The following FNDC3B variants were observed in gnomAD, a reference collection of about 807,000 sequenced individuals.
The protein encoded by FNDC3B is fibronectin type III domain-containing protein 3B.
In FNDC3B, 12 loss-of-function variants were observed where a neutral mutation model predicts 151.5. The observed-to-expected ratio is 0.08, with a 90% confidence interval of 0.05 to 0.13. The LOEUF (loss-of-function observed/expected upper bound fraction) is 0.13. Among genes scored for constraint, FNDC3B ranks in the 10% least tolerant of loss-of-function variants. The probability of loss-of-function intolerance (pLI) is 1.00; values close to 1 mark genes in which losing one functional copy is unlikely to be tolerated. For missense variants in FNDC3B, 1,214 were observed against 1,505.3 expected, an observed-to-expected ratio of 0.81 and a Z score of 3.20; for synonymous variants, 528 against 549.0, an observed-to-expected ratio of 0.96 and a Z score of 0.54.
chr3:172,332,399 T>C (rs560227139), intron 13 of FNDC3B, among the ~76,000 whole-genome samples: 13 of 152,370 alleles, frequency 8.5e-5, no homozygotes, highest in African/African-American at 3.1e-4. Context: ...CTTTAGTTTT[T>C]GTCATAGCAC....
At chr3:172,064,903 G>A (rs1329154726) in intron 1 of FNDC3B, among the ~76,000 whole-genome samples, 11 of 152,182 alleles carry the variant, frequency 7.2e-5, no homozygotes, top group Admixed American at 7.2e-4. Context: ...AGTCAGTGGG[G>A]TTTAAAAACA....
At chr3:172,098,365 A>T (rs1719193587) in intron 1 of FNDC3B, among the ~76,000 whole-genome samples, 1 of 152,208 alleles carries the variant, frequency 6.6e-6, no homozygotes, top group East Asian at 1.9e-4. Context: ...ATGTACCTGT[A>T]CAGAAGTCAT....
intron 9 of FNDC3B, among the ~76,000 whole-genome samples, chr3:172,305,391 C>T (rs867689929): frequency 1.3e-5 from 2 of 152,080 alleles, no homozygotes; most frequent in Admixed American, 1.3e-4. Flanking sequence ...TTTCTTGCAA[C>T]TTGTTTGTTA....
At chr3:172,320,408 G>A (rs891634675) in intron 11 of FNDC3B, among the ~76,000 whole-genome samples, 1 of 151,978 alleles carries the variant, frequency 6.6e-6, no homozygotes, top group Non-Finnish European at 1.5e-5. Context: ...TGAAAGAGAA[G>A]GAGGACAGTG....
intron 1 of FNDC3B, among the ~76,000 whole-genome samples, chr3:172,088,138 A>G (rs1174568601): frequency 2.0e-5 from 3 of 151,666 alleles, no homozygotes; most frequent in Non-Finnish European, 4.4e-5. Context: ...AGTGTTGTAC[A>G]GCTATTGTAA....
rs74509897 is a variant in FNDC3B, at chr3:172,216,756, G to A, written c.188-10115G>A. 1.7e-4 allele frequency among the ~76,000 whole-genome samples: 26 copies of A among 152,314 alleles called. No homozygotes were observed. In the East Asian group the frequency reaches 4.8e-3, roughly 28 times the overall value. ...TAAGTAAATTATGTTTCAAACTGGG[G>A]CAAGGTGATAAAGTTTAACTTGAAG... On this transcript the variant is annotated intron_variant, in intron 3 of 25. Transcript: ENST00000415807.
chr3:172,145,921 C>A (rs1318331879), intron 3 of FNDC3B, among the ~76,000 whole-genome samples: 3 of 147,968 alleles, frequency 2.0e-5, no homozygotes, highest in Non-Finnish European at 4.4e-5. Context: ...TTAAGCGATT[C>A]TCCTGCCTCA....
Position 172,337,416 on chromosome 3 carries a change from A to G in FNDC3B, c.1852+15A>G. 1 of 1,579,296 alleles carries G rather than the reference A, an allele frequency of 6.3e-7. No individual in the cohort carries two copies. Among genetic ancestry groups the G allele is most frequent in the Non-Finnish European group, 8.7e-7 (1 of 1,148,452 alleles). ...AAATTCTGAAGGTGAAGTTTTTGGC[A>G]ATTGTTTTATTCAAATCCAATAGCA... On this transcript the variant is annotated intron_variant, in intron 16 of 25. Transcript: ENST00000415807.
intron 3 of FNDC3B, among the ~76,000 whole-genome samples, chr3:172,158,001 C>A (rs1356523763): frequency 2.0e-5 from 3 of 152,122 alleles, no homozygotes; most frequent in African/African-American, 4.8e-5. Context: ...ACCAGAGGGA[C>A]CTTTTTCACT....
At chr3:172,051,328 C>T (rs1357776701) in intron 1 of FNDC3B, among the ~76,000 whole-genome samples, 2 of 151,810 alleles carry the variant, frequency 1.3e-5, no homozygotes, top group African/African-American at 4.8e-5. Context: ...AGCACTTTAT[C>T]TGTACTTTTC....
At position 172,164,812 on chromosome 3, in the gene FNDC3B, C is replaced by T. The variant is rs114083590; in HGVS notation, c.187+31266C>T. On this transcript the variant is annotated intron_variant, in intron 3 of 25. Coordinates refer to ENST00000415807, the MANE Select transcript of FNDC3B (RefSeq NM_022763.4). ...TAATATATCATCCTGTCAGGTGATT[C>T]GTGTACTGTGTTAGAAAGAAAAGGT... is the stretch of plus-strand genomic sequence containing the variant. 5.5e-3 allele frequency among the ~76,000 whole-genome samples: 842 copies of T among 152,184 alleles called. 1 individual carries two copies. The highest frequency in any genetic ancestry group is 0.01 in the Middle Eastern group (3 of 294).
chr3:172,350,180 G>A (rs569126945), intron 21 of FNDC3B, among the ~76,000 whole-genome samples: 38 of 152,298 alleles, frequency 2.5e-4, no homozygotes, highest in Non-Finnish European at 4.1e-4. Context: ...AGCTCCTACT[G>A]TTGGCCTGAT....
intron 25 of FNDC3B, among the ~76,000 whole-genome samples, chr3:172,391,595 A>G (rs1270396370): frequency 1.3e-5 from 2 of 152,238 alleles, no homozygotes; most frequent in Non-Finnish European, 2.9e-5. Context: ...GGGTAAACAA[A>G]TATTTCAATA....
rs114649112 is a variant in FNDC3B, at chr3:172,228,533, C to T, written c.264+1586C>T. On this transcript the variant is annotated intron_variant, in intron 4 of 25. Coordinates refer to ENST00000415807, the MANE Select transcript of FNDC3B (RefSeq NM_022763.4). Reference sequence around the variant, plus strand: ...AATGCAAAAATATTTATTGCATGTACTAGGAAAAGTGGAGAATTTTTGACT... The same window carrying T: ...AATGCAAAAATATTTATTGCATGTATTAGGAAAAGTGGAGAATTTTTGACT... Among the ~76,000 whole-genome samples the T allele has an allele frequency of 1.1e-3, 168 of 151,842 alleles. 1 individual carries two copies. Among genetic ancestry groups the T allele is most frequent in the African/African-American group, 4.0e-3 (163 of 41,174 alleles).
At chr3:172,266,991 A>G (rs765319012) in intron 6 of FNDC3B, among the ~76,000 whole-genome samples, 45 of 152,100 alleles carry the variant, frequency 3.0e-4, no homozygotes, top group Non-Finnish European at 4.3e-4. Context: ...CACAACATCT[A>G]CTACCTACTA....
intron 1 of FNDC3B, among the ~76,000 whole-genome samples, chr3:172,050,507 C>T (rs776040428): frequency 2.4e-4 from 36 of 152,102 alleles, no homozygotes; most frequent in African/African-American, 4.8e-4. Flanking sequence ...CCTCAGCCTC[C>T]GGAGCAGCTG....
chr3:172,397,490 G>T lies in FNDC3B; in HGVS notation c.*15G>T, dbSNP rs764504222. 1 of 1,509,966 alleles carries T rather than the reference G, an allele frequency of 6.6e-7. No homozygotes were observed. Among genetic ancestry groups the T allele is most frequent in the East Asian group, 2.3e-5 (1 of 44,308 alleles). The allele number at this position is 1,509,966 out of a possible 1,614,324, so 93.5% of individuals were successfully genotyped here. ...TAATGAAGTAAACCCAACAAAACTA[G>T]AGGTATGAATTAATGCTACACATTT... On this transcript the variant is annotated 3_prime_UTR_variant, in exon 26 of 26. Coordinates refer to ENST00000415807, the MANE Select transcript of FNDC3B (RefSeq NM_022763.4).
chr3:172,383,532 A>T (rs1735559347), intron 25 of FNDC3B, among the ~76,000 whole-genome samples: 1 of 152,244 alleles, frequency 6.6e-6, no homozygotes, highest in African/African-American at 2.4e-5. Context: ...GCTCTAAGTC[A>T]TGCATGTCAC....
At chr3:172,271,665 A>G (rs1322423737) in intron 6 of FNDC3B, among the ~76,000 whole-genome samples, 2 of 152,170 alleles carry the variant, frequency 1.3e-5, no homozygotes, top group Non-Finnish European at 2.9e-5. Flanking sequence ...GGCTGCCTTA[A>G]CTGGTCTCCA....
Sources: allele counts gnomAD v4.1 joint callset (sites outside exome capture counted in the v4.1 genomes callset), GRCh38; gene constraint gnomAD v4.1.1; transcripts MANE v1.5; gene names NCBI Gene and HGNC (gene_info 2026-07-23, HGNC 2026-07-21).